Variants in GUCY1A2 observed in about 807,000 individuals in gnomAD.
The protein encoded by GUCY1A2 is guanylate cyclase soluble subunit alpha-2.
GUCY1A2 carries 27 observed loss-of-function variants against 63.5 expected under a neutral mutation model. That is an observed-to-expected ratio of 0.43 (90% CI 0.31 to 0.59). GUCY1A2 has a LOEUF of 0.59. Ranked by LOEUF, GUCY1A2 falls within the 20% of genes least tolerant of loss-of-function variation. GUCY1A2 has a pLI of 0.11. For missense variants in GUCY1A2, 768 were observed against 913.3 expected, an observed-to-expected ratio of 0.84 and a Z score of 2.05; for synonymous variants, 364 against 343.5, an observed-to-expected ratio of 1.06 and a Z score of -0.66.
intron 5 of GUCY1A2, among the ~76,000 whole-genome samples, chr11:106,805,056 G>C (rs1858662737): frequency 6.6e-6 from 1 of 152,034 alleles, no homozygotes; most frequent in South Asian, 2.1e-4. Context: ...TTTAACATCA[G>C]GTTCCCTAAT....
chr11:106,928,746 A>G (rs1199610060), intron 4 of GUCY1A2, among the ~76,000 whole-genome samples: 1 of 152,182 alleles, frequency 6.6e-6, no homozygotes, highest in African/African-American at 2.4e-5. Context: ...GTATGTGACT[A>G]TCCTGAATAC....
intron 5 of GUCY1A2, among the ~76,000 whole-genome samples, chr11:106,795,946 T>C (rs1864750538): frequency 6.6e-6 from 1 of 152,152 alleles, no homozygotes; most frequent in African/African-American, 2.4e-5. Context: ...GGAGTCTAAG[T>C]CTCTTTGTAG....
intron 6 of GUCY1A2, among the ~76,000 whole-genome samples, chr11:106,709,751 AAT>A (rs1369084576): frequency 1.4e-4 from 20 of 139,234 alleles, no homozygotes; most frequent in African/African-American, 5.5e-4. Flanking sequence ...ACACGTATAG[AAT>A]ATATAGTTAT....
intron 3 of GUCY1A2, among the ~76,000 whole-genome samples, chr11:106,943,633 G>A (rs1860781851): frequency 6.6e-6 from 1 of 152,182 alleles, no homozygotes; most frequent in South Asian, 2.1e-4. Flanking sequence ...CTGGCATAAT[G>A]CCTGACACCT....
chr11:106,966,641 A>G (rs1454623688), intron 3 of GUCY1A2, among the ~76,000 whole-genome samples: 4 of 152,206 alleles, frequency 2.6e-5, no homozygotes, highest in African/African-American at 9.6e-5. Context: ...AATATTATAT[A>G]CAGACGTCTG....
intron 1 of GUCY1A2, among the ~76,000 whole-genome samples, chr11:106,992,052 T>C (rs1206433642): frequency 1.3e-5 from 2 of 152,194 alleles, no homozygotes; most frequent in East Asian, 3.9e-4. Flanking sequence ...AAAGCCAGGA[T>C]TGAAACCCAG....
intron 5 of GUCY1A2, among the ~76,000 whole-genome samples, chr11:106,787,121 T>TTTTTA (rs1331908470): frequency 6.6e-6 from 1 of 151,106 alleles, no homozygotes; most frequent in African/African-American, 2.5e-5. Flanking sequence ...TTTTATTAAT[T>TTTTTA]TTTTATTTTT....
intron 3 of GUCY1A2, among the ~76,000 whole-genome samples, chr11:106,950,770 T>G (rs1332061780): frequency 6.6e-6 from 1 of 152,210 alleles, no homozygotes; most frequent in Non-Finnish European, 1.5e-5. Context: ...ATGGTCACTT[T>G]TTTAAATTTC....
At chr11:106,851,963 T>C (rs930808267) in intron 4 of GUCY1A2, among the ~76,000 whole-genome samples, 6 of 152,032 alleles carry the variant, frequency 3.9e-5, no homozygotes, top group Admixed American at 1.3e-4. Flanking sequence ...TTAACATTAT[T>C]AATTCTTCCA....
chr11:106,985,751 C>T (rs551314072), intron 2 of GUCY1A2, among the ~76,000 whole-genome samples: 1 of 152,124 alleles, frequency 6.6e-6, no homozygotes, highest in South Asian at 2.1e-4. Context: ...GGGTTGGTAC[C>T]AATAAAGCTC....
intron 4 of GUCY1A2, among the ~76,000 whole-genome samples, chr11:106,850,145 T>A (rs746123226): frequency 6.6e-6 from 1 of 151,788 alleles, no homozygotes; most frequent in Non-Finnish European, 1.5e-5. Context: ...ATTCCCATGT[T>A]TCCTTCTAAG....
chr11:106,706,411 T>G (rs929565968), intron 7 of GUCY1A2, among the ~76,000 whole-genome samples: 1 of 152,114 alleles, frequency 6.6e-6, no homozygotes, highest in Non-Finnish European at 1.5e-5. Context: ...AACAGTAAGC[T>G]TCAGTGTATG....
chr11:106,778,126 T>C (rs1329674602), intron 5 of GUCY1A2, among the ~76,000 whole-genome samples: 4 of 152,220 alleles, frequency 2.6e-5, no homozygotes, highest in African/African-American at 9.7e-5. Context: ...GTGGTATTAA[T>C]GGCAAAAACT....
intron 1 of GUCY1A2, among the ~76,000 whole-genome samples, chr11:107,012,510 A>C (rs1045106858): frequency 2.0e-5 from 3 of 152,170 alleles, no homozygotes; most frequent in Non-Finnish European, 4.4e-5. Flanking sequence ...CCTAATTCAC[A>C]AAAGAGGAAA....
At chr11:106,989,822 C>T (rs956294905) in intron 1 of GUCY1A2, among the ~76,000 whole-genome samples, 6 of 152,030 alleles carry the variant, frequency 3.9e-5, no homozygotes, top group African/African-American at 1.5e-4. Flanking sequence ...AATATTAAGG[C>T]TGAGGATAGT....
chr11:106,997,667 G>A (rs1361239735), intron 1 of GUCY1A2, among the ~76,000 whole-genome samples: 2 of 131,936 alleles, frequency 1.5e-5, no homozygotes, highest in Admixed American at 1.0e-4. Flanking sequence ...AGACCTCTTC[G>A]TGGCTATGCT....
At chr11:106,957,346 T>C (rs1169335867) in intron 3 of GUCY1A2, among the ~76,000 whole-genome samples, 1 of 150,996 alleles carries the variant, frequency 6.6e-6, no homozygotes, top group African/African-American at 2.4e-5. Flanking sequence ...ACTTCCTGAG[T>C]TCCATAGGCT....
chr11:106,889,766 G>T (rs1315455614), intron 4 of GUCY1A2, among the ~76,000 whole-genome samples: 3 of 152,064 alleles, frequency 2.0e-5, no homozygotes, highest in Non-Finnish European at 4.4e-5. Flanking sequence ...TTACATACCT[G>T]CCAAAAAGGT....
At chr11:106,699,297 G>A (rs1862776476) in intron 7 of GUCY1A2, among the ~76,000 whole-genome samples, 1 of 152,176 alleles carries the variant, frequency 6.6e-6, no homozygotes, top group African/African-American at 2.4e-5. Flanking sequence ...AATGTAAGGA[G>A]TGACTTTTTC....
Sources: allele counts gnomAD v4.1 joint callset (sites outside exome capture counted in the v4.1 genomes callset), GRCh38; gene constraint gnomAD v4.1.1; transcripts MANE v1.5; gene names NCBI Gene and HGNC (gene_info 2026-07-23, HGNC 2026-07-21).